REN: variants seen among roughly 807,000 people sequenced by gnomAD.
REN encodes angiotensin-forming enzyme.
A neutral mutation model predicts 48.6 loss-of-function variants in REN; 42 were observed. That is an observed-to-expected ratio of 0.86 (90% CI 0.68 to 1.12). REN has a LOEUF of 1.12. Among genes scored for constraint, REN ranks in the 50% most tolerant of loss-of-function variants. The pLI is 0.00. For synonymous variants in REN, 196 were observed against 204.6 expected (o/e 0.96, Z 0.36); for missense variants, 443 against 527.3 (o/e 0.84, Z 1.57).
intron 1 of REN, among the ~76,000 whole-genome samples, chr1:204,164,565 CTT>C (rs748060874): frequency 0.27 from 25,021 of 92,224 alleles, 2,997 homozygotes; most frequent in African/African-American, 0.37. Flanking sequence ...CTTCTTCAGT[CTT>C]TTTTTTTTTT....
chr1:204,158,536 C>T (rs1234120044), intron 5 of REN, among the ~76,000 whole-genome samples: 3 of 151,650 alleles, frequency 2.0e-5, no homozygotes, highest in African/African-American at 7.3e-5. Flanking sequence ...CTCGCCTTGG[C>T]CTCCCAAAGT....
At chr1:204,160,822 C>A in intron 3 of REN, 144 bp from the exon 4 acceptor site, 2 of 765,290 alleles carry the variant, frequency 2.6e-6, no homozygotes, top group South Asian at 2.7e-5. Context: ...ATATGTGCTT[C>A]ATCAATCAAG....
chr1:204,162,645 C>A (rs569939710), intron 1 of REN, among the ~76,000 whole-genome samples: 1 of 152,118 alleles, frequency 6.6e-6, no homozygotes, highest in African/African-American at 2.4e-5. Context: ...TAGGGGCTGG[C>A]GGGGAGACAG....
rs1658137278 is a variant in REN, at chr1:204,155,844, G to A, written c.1035C>T (p.Leu345=). 4 of 1,613,984 alleles carry A rather than the reference G, an allele frequency of 2.5e-6. No individual in the cohort carries two copies. Among genetic ancestry groups the A allele is most frequent in the Non-Finnish European group, 2.5e-6 (3 of 1,180,016 alleles). ...CCTGAAATACATAGTCCGCGCTGGT[G>A]AGCGTGTATTCTTTGCCTCCCAGGT... is the stretch of plus-strand genomic sequence containing the variant. The part of the protein sequence containing the change: ...SFHLGGKEYT[L]TSADYVFQES... Residue 345 remains leucine, a synonymous_variant, in exon 9 of 10, where the codon CTC becomes CTT. Transcript: ENST00000272190.
intron 2 of REN, 141 bp from the exon 3 acceptor site, chr1:204,161,556 A>G: frequency 1.3e-6 from 1 of 741,258 alleles, no homozygotes; most frequent in Non-Finnish European, 2.0e-6. Context: ...ATTTTCCTGC[A>G]GGAACTGGTA....
chr1:204,159,741 G>A (rs1169471286), intron 4 of REN, 146 bp from the exon 5 acceptor site: 11 of 709,212 alleles, frequency 1.6e-5, no homozygotes, highest in African/African-American at 5.2e-5. Context: ...AACCCTGCAC[G>A]CACACACTCT....
Position 204,156,909 on chromosome 1 carries a change from G to A in REN, c.699-113C>T. On this transcript the variant is annotated intron_variant, in intron 6 of 9. Coordinates refer to ENST00000272190, the MANE Select transcript of REN (RefSeq NM_000537.4). The surrounding 1 kb of genome is among the most constrained non-coding windows in gnomAD (Gnocchi z 4.2). ...GGGGAGGACAGAGGGCTCTAGAGCAGAGGAATGTGGGACAGACAGCCAGGC... is the reference window on the plus strand; with the variant it reads ...GGGGAGGACAGAGGGCTCTAGAGCAAAGGAATGTGGGACAGACAGCCAGGC... 7.4e-7 allele frequency: 1 copy of A among 1,347,972 alleles called. No individual in the cohort carries two copies. The highest frequency in any genetic ancestry group is 1.0e-6 in the Non-Finnish European group (1 of 952,404). 83.5% of individuals were successfully genotyped at this position (1,347,972 alleles called of 1,614,324 possible).
rs1358862852 is a variant in REN, at chr1:204,155,890, G to A, written c.989C>T (p.Thr330Ile). The change falls in exon 9 of 10, where the codon ACA (threonine) becomes ATA (isoleucine). Residue 330 changes from threonine to isoleucine, a missense_variant. Physicochemically the swap from Thr to Ile is moderately conservative, Grantham distance 89. Transcript: ENST00000272190. ...CAGGTGGAAAGAGATGTCGGGGAGTGTAGGGCCCTCGTTACACTTCACGAC... is the reference window on the plus strand; with the variant it reads ...CAGGTGGAAAGAGATGTCGGGGAGTATAGGGCCCTCGTTACACTTCACGAC... ...DYVVKCNEGP[T>I]LPDISFHLGG... is the part of the protein sequence containing the mutation. The A allele has an allele frequency of 2.5e-6, 4 of 1,614,066 alleles. No homozygotes were observed. Among genetic ancestry groups the A allele is most frequent in the Middle Eastern group, 1.6e-4 (1 of 6,062 alleles).
Position 204,156,177 on chromosome 1 carries a change from C to T in REN, c.960+1G>A, listed in dbSNP as rs1658145553. On this transcript the variant is annotated splice_donor_variant, in intron 8 of 9. Coordinates refer to ENST00000272190, the MANE Select transcript of REN (RefSeq NM_000537.4). LOFTEE classifies it high-confidence loss of function. The surrounding 1 kb of genome is among the most constrained non-coding windows in gnomAD (Gnocchi z 4.2). ...AGCACCTTCCCTCTTTGGCTTCTTA[C>T]ATCAAACAGCCTCTTCTTGGCTCCC... is the stretch of plus-strand genomic sequence containing the variant. 1 of 1,614,250 alleles carries T rather than the reference C, an allele frequency of 6.2e-7. No homozygotes were observed. Among genetic ancestry groups the T allele is most frequent in the African/African-American group, 1.3e-5 (1 of 75,064 alleles).
At chr1:204,160,816 G>T (rs1229194449) in intron 3 of REN, 138 bp from the exon 4 acceptor site, 6 of 769,754 alleles carry the variant, frequency 7.8e-6, no homozygotes, top group African/African-American at 3.4e-5. Flanking sequence ...CTTGGAATAT[G>T]TGCTTCATCA....
At chr1:204,159,943 G>A (rs1472400449) in intron 4 of REN, among the ~76,000 whole-genome samples, 1 of 152,136 alleles carries the variant, frequency 6.6e-6, no homozygotes, top group Non-Finnish European at 1.5e-5. Context: ...CATGGGCGAA[G>A]GGTTTCTTTA....
At chr1:204,161,733 C>A (rs1248816460) in intron 2 of REN, among the ~76,000 whole-genome samples, 2 of 152,026 alleles carry the variant, frequency 1.3e-5, no homozygotes, top group South Asian at 4.1e-4. Context: ...GAAACCCCCA[C>A]CTGAGTCACA....
intron 1 of REN, among the ~76,000 whole-genome samples, chr1:204,165,645 T>G (rs1658330615): frequency 6.6e-6 from 1 of 151,422 alleles, no homozygotes; most frequent in Admixed American, 6.6e-5. Flanking sequence ...CAGGCTGGAG[T>G]GCAGTGGCAC....
chr1:204,157,850 T>G (rs1188340905), intron 5 of REN, among the ~76,000 whole-genome samples: 1 of 152,178 alleles, frequency 6.6e-6, no homozygotes, highest in Non-Finnish European at 1.5e-5. Flanking sequence ...TCTCTGGATG[T>G]TCCCTCCTTC....
chr1:204,161,088 C>A (rs1272575917), intron 3 of REN, among the ~76,000 whole-genome samples: 1 of 145,788 alleles, frequency 6.9e-6, no homozygotes, highest in Admixed American at 6.9e-5. Flanking sequence ...GGTTCTTGGA[C>A]CTTTTTTTGT....
At chr1:204,159,349 C>T (rs1037224986) in intron 5 of REN, 50 bp downstream of exon 5, 2 of 1,552,538 alleles carry the variant, frequency 1.3e-6, no homozygotes. Context: ...CTCCCCATCT[C>T]TTCTCCCCTC....
chr1:204,165,484 G>C (rs986774810), intron 1 of REN, among the ~76,000 whole-genome samples: 1 of 152,158 alleles, frequency 6.6e-6, no homozygotes, highest in African/African-American at 2.4e-5. Context: ...AGTTTGTTCT[G>C]CTAGTGAAGC....
intron 4 of REN, 152 bp from the exon 5 acceptor site, chr1:204,159,747 A>C: frequency 2.9e-6 from 2 of 696,722 alleles, no homozygotes; most frequent in South Asian, 1.6e-5. Context: ...GCACGCACAC[A>C]CTCTGTGCCA....
intron 9 of REN, 38 bp from the exon 10 acceptor site, chr1:204,155,215 A>G (rs750090965): frequency 1.2e-6 from 2 of 1,611,336 alleles, no homozygotes; most frequent in South Asian, 1.1e-5. Flanking sequence ...TACCCAGCAC[A>G]TGAGCATTCT....
Sources: gnomAD v4.1 joint callset for allele counts (sites outside exome capture counted in the v4.1 genomes callset) on GRCh38, gnomAD v4.1.1 for gene constraint, Gnocchi (gnomAD v3.1) non-coding constraint, MANE v1.5 for transcripts, NCBI Gene and HGNC (gene_info 2026-07-23, HGNC 2026-07-21) for gene names.